DCHS2: variants seen among roughly 807,000 people sequenced by gnomAD.
DCHS2 encodes protocadherin-23.
Under a neutral mutation model 182.4 loss-of-function variants are expected in DCHS2, and 142 were observed. That is an observed-to-expected ratio of 0.78 (90% confidence interval 0.68 to 0.89). The LOEUF is 0.89. Among genes scored for constraint, DCHS2 ranks in the 40% least tolerant of loss-of-function variants. DCHS2 has a pLI of 0.00. For missense variants in DCHS2, 4,319 were observed against 4,198.6 expected (o/e 1.03, Z -0.79); for synonymous variants, 1,740 against 1,663.3 (o/e 1.05, Z -1.12).
In DCHS2 at chr4:154,329,554, T is replaced by TG; in HGVS notation, c.3886dup (p.Gln1296ProfsTer31). On this transcript the variant is annotated frameshift_variant, in exon 6 of 20. Coordinates refer to ENST00000357232, the MANE Select transcript of DCHS2 (RefSeq NM_001358235.2). LOFTEE classifies it high-confidence loss of function. ...GTGTAACTCCTTTCCAGGGAGACAC[T>TG]GGGGGAAGAAGGGCCTGTTATCATT... is the stretch of plus-strand genomic sequence containing the variant. 1 of 1,613,732 alleles carries TG rather than the reference T, an allele frequency of 6.2e-7. No homozygotes were observed. Among genetic ancestry groups the TG allele is most frequent in the Non-Finnish European group, 8.5e-7 (1 of 1,179,904 alleles).
At chr4:154,265,750 T>C (rs1733219698) in intron 14 of DCHS2, among the ~76,000 whole-genome samples, 1 of 149,784 alleles carries the variant, frequency 6.7e-6, no homozygotes, top group Admixed American at 6.9e-5. Flanking sequence ...CACATATTTC[T>C]GAACAACAAA....
chr4:154,311,775 A>ATCTATT (rs1480477038), intron 10 of DCHS2, among the ~76,000 whole-genome samples: 13 of 152,168 alleles, frequency 8.5e-5, no homozygotes, highest in Non-Finnish European at 2.9e-5. Flanking sequence ...AACCTGGAAT[A>ATCTATT]AATGTATTAA....
At chr4:154,412,994 G>A (rs1453154445) in intron 1 of DCHS2, among the ~76,000 whole-genome samples, 1 of 152,198 alleles carries the variant, frequency 6.6e-6, no homozygotes, top group African/African-American at 2.4e-5. Context: ...AAAGGAAGAG[G>A]AGGAGGAAGG....
chr4:154,255,645 CCA>C lies in DCHS2; in HGVS notation c.6813_6814del (p.Ser2271ArgfsTer7), dbSNP rs761220292. 1 of 1,613,526 alleles carries C rather than the reference CCA, an allele frequency of 6.2e-7. No individual in the cohort carries two copies. The highest frequency in any genetic ancestry group is 8.5e-7 in the Non-Finnish European group (1 of 1,179,782). ...AGAATACTCAATCAGGCCGTTCAAA[CCA>C]CTGTCCAAGTCGGTAGCAAAAACCT... On this transcript the variant is annotated frameshift_variant, in exon 16 of 20. Coordinates refer to ENST00000357232, the MANE Select transcript of DCHS2 (RefSeq NM_001358235.2). LOFTEE classifies it high-confidence loss of function.
chr4:154,321,369 A>G, intron 8 of DCHS2, 147 bp from the exon 9 acceptor site: 1 of 907,248 alleles, frequency 1.1e-6, no homozygotes, highest in South Asian at 3.3e-5. Flanking sequence ...TTTATATTAT[A>G]TAATTCCAGT....
rs1578888096 is a variant in DCHS2, at chr4:154,269,910, G to A, written c.6567C>T (p.Cys2189=). 1 of 1,611,672 alleles carries A rather than the reference G, an allele frequency of 6.2e-7. No homozygotes were observed. The highest frequency in any genetic ancestry group is 8.5e-7 in the Non-Finnish European group (1 of 1,178,870). The change falls in exon 14 of 20, where the codon TGC becomes TGT. Residue 2189 remains cysteine, a synonymous_variant. Coordinates refer to ENST00000357232, the MANE Select transcript of DCHS2 (RefSeq NM_001358235.2). Reference sequence around the variant, plus strand: ...GTAGAGAAGGATTACCTGACTTAGAGCACAGGGAAAGAACTCCATCTTCAT... The same window carrying A: ...GTAGAGAAGGATTACCTGACTTAGAACACAGGGAAAGAACTCCATCTTCAT... ...SGNEDGVLSL[C]SKSGQLTVKE... is the part of the protein sequence containing the mutation.
intron 1 of DCHS2, among the ~76,000 whole-genome samples, chr4:154,387,666 A>T (rs1731481622): frequency 6.6e-6 from 1 of 152,142 alleles, no homozygotes; most frequent in African/African-American, 2.4e-5. Flanking sequence ...ATTAAAGCAG[A>T]TCACAAAGGA....
At chr4:154,325,917 A>G (rs1182707586) in intron 7 of DCHS2, among the ~76,000 whole-genome samples, 4 of 152,236 alleles carry the variant, frequency 2.6e-5, no homozygotes, top group Non-Finnish European at 5.9e-5. Flanking sequence ...CTTCTGTAAA[A>G]TCCTTGCCTT....
chr4:154,290,051 C>G (rs376928617), intron 13 of DCHS2, among the ~76,000 whole-genome samples: 2 of 152,172 alleles, frequency 1.3e-5, no homozygotes, highest in East Asian at 3.9e-4. Flanking sequence ...AACCTAAAGA[C>G]TCCTCCAAAA....
At chr4:154,237,252 T>C (rs1731576435) in intron 19 of DCHS2, 93 bp from the exon 20 acceptor site, 1 of 1,433,354 alleles carries the variant, frequency 7.0e-7, no homozygotes, top group Non-Finnish European at 9.2e-7. Context: ...TACTAATATG[T>C]GTTTAATTCT....
chr4:154,426,269 T>C (rs1298342934), intron 1 of DCHS2, among the ~76,000 whole-genome samples: 2 of 152,234 alleles, frequency 1.3e-5, no homozygotes, highest in Admixed American at 6.5e-5. Context: ...ATATCTCATG[T>C]CTTCTTCAAT....
At chr4:154,414,930 G>C (rs541780622) in intron 1 of DCHS2, among the ~76,000 whole-genome samples, 2 of 152,294 alleles carry the variant, frequency 1.3e-5, no homozygotes, top group East Asian at 3.9e-4. Context: ...CCATTCAACA[G>C]TGGAAGTACT....
At chr4:154,468,788 C>T (rs541265649) in intron 1 of DCHS2, among the ~76,000 whole-genome samples, 1 of 152,240 alleles carries the variant, frequency 6.6e-6, no homozygotes, top group East Asian at 1.9e-4. Flanking sequence ...TAACATATTA[C>T]AAACTATTCA....
chr4:154,461,882 T>A (rs1735022264), intron 1 of DCHS2, among the ~76,000 whole-genome samples: 1 of 152,174 alleles, frequency 6.6e-6, no homozygotes, highest in Non-Finnish European at 1.5e-5. Flanking sequence ...AGAGGAAGAC[T>A]TTCCCATACT....
intron 3 of DCHS2, among the ~76,000 whole-genome samples, chr4:154,340,679 C>T (rs896356629): frequency 1.6e-4 from 25 of 152,080 alleles, no homozygotes; most frequent in African/African-American, 6.0e-4. Context: ...CAAAATTTTA[C>T]TGATGAATGT....
intron 15 of DCHS2, among the ~76,000 whole-genome samples, chr4:154,258,375 T>TC (rs1164510594): frequency 7.0e-6 from 1 of 142,294 alleles, no homozygotes; most frequent in East Asian, 2.1e-4. Context: ...GGCTTTTTTT[T>TC]TTTTTTTTTT....
chr4:154,331,558 C>T, intron 5 of DCHS2: 1 of 1,586,778 alleles, frequency 6.3e-7, no homozygotes, highest in African/African-American at 1.3e-5. Context: ...CCTGTGAAAA[C>T]CCTCCATCTG....
chr4:154,387,205 A>G lies in DCHS2; in HGVS notation c.2053-9761T>C, dbSNP rs117859287. Among the ~76,000 whole-genome samples the G allele has an allele frequency of 9.0e-4, 137 of 152,328 alleles. 3 individuals are homozygous for G. In the East Asian group the frequency reaches 0.02, roughly 22 times the overall value. ...AGTTTAAGCAACCACGAATTCTACT[A>G]CTTAATTATTGTCCTTTCTTCCCAC... On this transcript the variant is annotated intron_variant, in intron 1 of 19. Transcript: ENST00000357232.
intron 14 of DCHS2, among the ~76,000 whole-genome samples, chr4:154,264,418 A>G (rs2111185849): frequency 6.6e-6 from 1 of 152,346 alleles, no homozygotes; most frequent in South Asian, 2.1e-4. Flanking sequence ...AGAGTTGAAA[A>G]AAATTCAACA....
Sources: allele counts gnomAD v4.1 joint callset (sites outside exome capture counted in the v4.1 genomes callset), GRCh38; gene constraint gnomAD v4.1.1; transcripts MANE v1.5; gene names NCBI Gene and HGNC (gene_info 2026-07-23, HGNC 2026-07-21).